Variants in PTPRD observed in about 807,000 individuals in gnomAD.
PTPRD encodes the protein protein tyrosine phosphatase receptor type D, also known as receptor-type tyrosine-protein phosphatase delta.
Under a neutral mutation model 214.5 loss-of-function variants are expected in PTPRD, and 34 were observed. The ratio of observed to expected loss-of-function variants is 0.16; its 90% CI spans 0.12 to 0.21. PTPRD has a LOEUF of 0.21. PTPRD is among the 10% of genes least tolerant of loss of function. The pLI is 1.00. For missense variants in PTPRD, 2,545 were observed against 2,398.7 expected (o/e 1.06, Z -1.27); for synonymous variants, 1,128 against 845.7 (o/e 1.33, Z -5.79).
chr9:9,917,508 AT>A (rs2081285354), intron 5 of PTPRD, among the ~76,000 whole-genome samples: 1 of 150,784 alleles, frequency 6.6e-6, no homozygotes, highest in Admixed American at 6.6e-5. Context: ...GAATTCTACC[AT>A]ATCTTTAGAG....
At chr9:10,377,596 C>T (rs2097756277) in intron 2 of PTPRD, among the ~76,000 whole-genome samples, 1 of 151,864 alleles carries the variant, frequency 6.6e-6, no homozygotes. Context: ...CCAGCTTCAC[C>T]CATGTCCCTA....
intron 7 of PTPRD, among the ~76,000 whole-genome samples, chr9:9,688,878 T>C (rs2097212466): frequency 6.6e-6 from 1 of 151,790 alleles, no homozygotes; most frequent in Non-Finnish European, 1.5e-5. Flanking sequence ...TTTTTTTAAA[T>C]GACTGATGAT....
intron 10 of PTPRD, among the ~76,000 whole-genome samples, chr9:9,105,197 G>A (rs2099796772): frequency 6.6e-6 from 1 of 152,168 alleles, no homozygotes; most frequent in South Asian, 2.1e-4. Context: ...CCTGAGAGAA[G>A]TGAGAAGTTC....
chr9:8,881,353 G>A (rs1190968485), intron 11 of PTPRD, among the ~76,000 whole-genome samples: 1 of 152,114 alleles, frequency 6.6e-6, no homozygotes, highest in Admixed American at 6.5e-5. Context: ...ATTTTTGTAA[G>A]GAACTCACTT....
chr9:9,991,846 A>T (rs2095942612), intron 4 of PTPRD, among the ~76,000 whole-genome samples: 1 of 148,098 alleles, frequency 6.8e-6, no homozygotes, highest in Non-Finnish European at 1.5e-5. Flanking sequence ...ACACACACAC[A>T]CACACACACA....
At chr9:8,883,218 G>A (rs1000703641) in intron 11 of PTPRD, among the ~76,000 whole-genome samples, 3 of 152,098 alleles carry the variant, frequency 2.0e-5, no homozygotes, top group Non-Finnish European at 1.5e-5. Context: ...TAATACCAAT[G>A]GCCATGGTGG....
At chr9:8,653,718 A>T (rs2096856953) in intron 12 of PTPRD, among the ~76,000 whole-genome samples, 1 of 152,172 alleles carries the variant, frequency 6.6e-6, no homozygotes, top group Non-Finnish European at 1.5e-5. Flanking sequence ...CCTCCAAGAG[A>T]TCGATGCTTT....
intron 8 of PTPRD, among the ~76,000 whole-genome samples, chr9:9,400,177 A>C (rs1412722): frequency 0.45 from 66,532 of 148,908 alleles, 15,105 homozygotes; most frequent in East Asian, 0.57. Context: ...TTTATTGCTG[A>C]CTTGCACAAT....
chr9:8,526,544 G>A (rs993980698), intron 17 of PTPRD, 83 bp downstream of exon 17: 3 of 1,271,082 alleles, frequency 2.4e-6, no homozygotes, highest in East Asian at 2.5e-5. Context: ...GAATGACGCT[G>A]AAAACAGGAC....
At chr9:9,390,766 G>C (rs2065539232) in intron 9 of PTPRD, among the ~76,000 whole-genome samples, 1 of 152,136 alleles carries the variant, frequency 6.6e-6, no homozygotes, top group Non-Finnish European at 1.5e-5. Flanking sequence ...TCCTCACTTG[G>C]TCAAGCAGTT....
intron 11 of PTPRD, among the ~76,000 whole-genome samples, chr9:8,805,775 C>T (rs1476396321): frequency 1.3e-5 from 2 of 151,180 alleles, no homozygotes; most frequent in African/African-American, 4.8e-5. Flanking sequence ...GCGGACGGAT[C>T]ATGAGGTCAG....
chr9:9,369,956 T>C (rs1190309242), intron 9 of PTPRD, among the ~76,000 whole-genome samples: 7 of 152,170 alleles, frequency 4.6e-5, no homozygotes, highest in Non-Finnish European at 7.3e-5. Flanking sequence ...CTCTGTTCTG[T>C]TCCATTGATC....
At chr9:9,337,379 A>G (rs1314269466) in intron 9 of PTPRD, among the ~76,000 whole-genome samples, 1 of 152,134 alleles carries the variant, frequency 6.6e-6, no homozygotes, top group Non-Finnish European at 1.5e-5. Context: ...TTCAAAAAGA[A>G]GACTTTAATA....
chr9:8,719,468 G>T (rs1425658155), intron 12 of PTPRD, among the ~76,000 whole-genome samples: 1 of 152,160 alleles, frequency 6.6e-6, no homozygotes, highest in African/African-American at 2.4e-5. Context: ...AACTTCATCA[G>T]GTTAAACAAG....
intron 14 of PTPRD, among the ~76,000 whole-genome samples, chr9:8,568,194 A>G (rs759503824): frequency 6.6e-6 from 1 of 152,176 alleles, no homozygotes; most frequent in South Asian, 2.1e-4. Flanking sequence ...TGTTCTATAC[A>G]TTGCAGAGAT....
In PTPRD at chr9:9,813,304, TA is replaced by T. The variant is rs1297082800; in HGVS notation, c.-367-46454del. Among the ~76,000 whole-genome samples, 6 of 151,904 alleles carry T rather than the reference TA, an allele frequency of 3.9e-5. No homozygotes were observed. The East Asian group carries it at 1.2e-3, about 29-fold the overall frequency. The stretch of plus-strand genomic sequence containing the variant: ...AAAGAAAATAATGAAGATTAGAGCA[TA>T]AATGAAATGGATACTAGAAAGACAA... On this transcript the variant is annotated intron_variant, in intron 5 of 45. Transcript: ENST00000381196.
chr9:10,062,675 T>A (rs1306175394), intron 3 of PTPRD, among the ~76,000 whole-genome samples: 1 of 151,270 alleles, frequency 6.6e-6, no homozygotes, highest in Non-Finnish European at 1.5e-5. Flanking sequence ...CGATAGCACT[T>A]AGGGAGAGGT....
intron 6 of PTPRD, among the ~76,000 whole-genome samples, chr9:9,756,176 G>A (rs986957424): frequency 3.3e-5 from 5 of 151,920 alleles, no homozygotes; most frequent in African/African-American, 7.2e-5. Flanking sequence ...ATATTCTGAC[G>A]AACGACAGAG....
intron 7 of PTPRD, among the ~76,000 whole-genome samples, chr9:9,608,281 A>T (rs963243998): frequency 7.2e-5 from 11 of 152,156 alleles, no homozygotes; most frequent in South Asian, 2.1e-4. Flanking sequence ...CATTAGTATC[A>T]TTTTTGATGT....
Sources: allele counts gnomAD v4.1 joint callset (sites outside exome capture counted in the v4.1 genomes callset), GRCh38; gene constraint gnomAD v4.1.1; transcripts MANE v1.5; gene names NCBI Gene and HGNC (gene_info 2026-07-23, HGNC 2026-07-21).